Variants in SMCO3 observed in about 807,000 individuals in gnomAD.
The protein encoded by SMCO3 is single-pass membrane protein with coiled-coil domains 3, also known as single-pass membrane and coiled-coil domain-containing protein 3.
In SMCO3, 6 loss-of-function variants were observed where a neutral mutation model predicts 12.0. The observed-to-expected ratio is 0.50, with a 90% confidence interval of 0.27 to 0.99. SMCO3 has a LOEUF of 0.99. SMCO3 is among the 50% of genes least tolerant of loss of function. The pLI, the probability that SMCO3 is intolerant of heterozygous loss-of-function variation, is 0.11. For missense variants in SMCO3, 279 were observed against 265.0 expected (o/e 1.05, Z -0.37); for synonymous variants, 96 against 96.4 (o/e 1.00, Z 0.02).
intron 1 of SMCO3, among the ~76,000 whole-genome samples, chr12:14,812,183 G>A (rs996616371): frequency 6.6e-6 from 1 of 152,194 alleles, no homozygotes; most frequent in African/African-American, 2.4e-5. Context: ...GGTGGCTCAC[G>A]CCTGTAATCC....
chr12:14,808,431 A>G (rs1950086848), intron 1 of SMCO3, among the ~76,000 whole-genome samples: 1 of 152,100 alleles, frequency 6.6e-6, no homozygotes, highest in Non-Finnish European at 1.5e-5. Context: ...CTTTATCCAT[A>G]TCCATGTGGA....
intron 1 of SMCO3, 72 bp from the exon 2 acceptor site, chr12:14,806,768 G>A: frequency 7.4e-7 from 1 of 1,352,790 alleles, no homozygotes; most frequent in Non-Finnish European, 1.0e-6. Context: ...AAGGGACTAG[G>A]AAATCTTTTT....
In SMCO3 at chr12:14,806,460, A is replaced by G; in HGVS notation, c.221T>C (p.Met74Thr). 1.9e-6 allele frequency: 3 copies of G among 1,614,160 alleles called. No homozygotes were observed. Among genetic ancestry groups the G allele is most frequent in the South Asian group, 1.1e-5 (1 of 91,088 alleles). Reference protein sequence around the residue: ...ENCDLIIQAIMKIQKELQKVD... With the variant: ...ENCDLIIQAITKIQKELQKVD... ...CTTCTGCAATTCCTTTTGGATTTTC[A>G]TAATGGCTTGGATGATGAGGTCACA... Residue 74 changes from methionine (M) to threonine (T), a missense_variant, in exon 2 of 2, where the codon ATG becomes ACG. Transcript: ENST00000316048.
intron 1 of SMCO3, among the ~76,000 whole-genome samples, chr12:14,813,569 C>CG (rs1950173197): frequency 2.0e-5 from 3 of 152,240 alleles, no homozygotes; most frequent in Non-Finnish European, 4.4e-5. Context: ...GAAGCCTCTA[C>CG]TGTGTCCCTT....
Position 14,806,130 on chromosome 12 carries a change from T to C in SMCO3, c.551A>G (p.Glu184Gly). 1 of 1,614,172 alleles carries C rather than the reference T, an allele frequency of 6.2e-7. No individual in the cohort carries two copies. The highest frequency in any genetic ancestry group is 1.1e-5 in the South Asian group (1 of 91,086). Residue 184 changes from glutamate (E) to glycine (G), a missense_variant, in exon 2 of 2, where the codon GAA (glutamate) becomes GGA (glycine). Transcript: ENST00000316048. Reference sequence around the variant, plus strand: ...GATGGCTGCTTGAAGCTGTGTTTTTTCCACTGCTCCCAGGATGGCACGGAC... The same window carrying C: ...GATGGCTGCTTGAAGCTGTGTTTTTCCCACTGCTCCCAGGATGGCACGGAC... ...MIVRAILGAV[E>G]KTQLQAAIKS...
chr12:14,811,082 A>G (rs948947928), intron 1 of SMCO3, among the ~76,000 whole-genome samples: 1 of 152,364 alleles, frequency 6.6e-6, no homozygotes, highest in East Asian at 1.9e-4. Context: ...ATCCAGCTCT[A>G]ATTAACTACA....
intron 1 of SMCO3, among the ~76,000 whole-genome samples, chr12:14,813,618 C>T (rs531721930): frequency 5.3e-5 from 8 of 152,170 alleles, no homozygotes; most frequent in Non-Finnish European, 7.3e-5. Context: ...GCCCTCAAGA[C>T]GATAACAGCC....
At chr12:14,810,959 A>G (rs941881338) in intron 1 of SMCO3, among the ~76,000 whole-genome samples, 1 of 152,236 alleles carries the variant, frequency 6.6e-6, no homozygotes, top group African/African-American at 2.4e-5. Context: ...AACAACCCAT[A>G]ATATTGTGCC....
rs766494478 is a variant in SMCO3, at chr12:14,806,619, A to G, written c.62T>C (p.Leu21Pro). 132 of 1,613,648 alleles carry G rather than the reference A, an allele frequency of 8.2e-5. 1 individual carries two copies. The highest frequency in any genetic ancestry group is 1.1e-4 in the Non-Finnish European group (131 of 1,179,926). The change falls in exon 2 of 2, where the codon CTT (leucine) becomes CCT (proline). Residue 21 changes from leucine (L) to proline (P), a missense_variant. Physicochemically the swap from Leu to Pro is moderately conservative, Grantham distance 98. Transcript: ENST00000316048. ...NPKRREEVNR[L>P]HQQLLDCLSD... ...TAAGCAATCAAGAAGCTGCTGGTGA[A>G]GACGATTTACTTCTTCCCGCCTTTT...
chr12:14,806,858 G>A (rs988597757), intron 1 of SMCO3, among the ~76,000 whole-genome samples, 162 bp from the exon 2 acceptor site: 1 of 152,156 alleles, frequency 6.6e-6, no homozygotes, highest in Non-Finnish European at 1.5e-5. Context: ...AAAAGAGGGA[G>A]TATCGCTGTG....
chr12:14,812,240 C>T (rs1487193553), intron 1 of SMCO3, among the ~76,000 whole-genome samples: 3 of 151,988 alleles, frequency 2.0e-5, no homozygotes, highest in East Asian at 1.9e-4. Flanking sequence ...GTCAGGAGAT[C>T]GAAACCATCC....
At chr12:14,812,775 A>T (rs1950161141) in intron 1 of SMCO3, among the ~76,000 whole-genome samples, 1 of 152,004 alleles carries the variant, frequency 6.6e-6, no homozygotes, top group Non-Finnish European at 1.5e-5. Flanking sequence ...TTTATTTTAG[A>T]TTCAGGAGGT....
rs1224400419 is a variant in SMCO3, at chr12:14,805,492, A to G, written c.*511T>C. On this transcript the variant is annotated 3_prime_UTR_variant, in exon 2 of 2. Transcript: ENST00000316048. Reference sequence around the variant, plus strand: ...TACAAACCATTTTTCAGTCTCTTCTAGTTTACAGAAAACCAGATTTACTCT... The same window carrying G: ...TACAAACCATTTTTCAGTCTCTTCTGGTTTACAGAAAACCAGATTTACTCT... The G allele has an allele frequency of 6.5e-6, 1 of 152,910 alleles. No homozygotes were observed. 9.5% of individuals were successfully genotyped at this position (152,910 alleles called of 1,614,324 possible).
At position 14,806,046 on chromosome 12, in the gene SMCO3, G is replaced by C; in HGVS notation, c.635C>G (p.Ala212Gly). ...FKSASEKYNH[A>G]ITEVINTVKH... ...CACTGTATTGATGACCTCAGTAATGGCATGATTATATTTTTCTGAGGCTGA... is the reference window on the plus strand; with the variant it reads ...CACTGTATTGATGACCTCAGTAATGCCATGATTATATTTTTCTGAGGCTGA... The change falls in exon 2 of 2, where the codon GCC becomes GGC. Residue 212 changes from alanine to glycine, a missense_variant. Ala to Gly is a moderately conservative substitution (Grantham distance 60). Transcript: ENST00000316048. 6.2e-7 allele frequency: 1 copy of C among 1,614,046 alleles called. No homozygotes were observed. The highest frequency in any genetic ancestry group is 1.3e-5 in the African/African-American group (1 of 75,002).
intron 1 of SMCO3, among the ~76,000 whole-genome samples, chr12:14,809,316 G>T (rs1248597288): frequency 2.6e-5 from 4 of 152,012 alleles, no homozygotes; most frequent in African/African-American, 9.7e-5. Flanking sequence ...ACAACTTCAC[G>T]AATTAATCGT....
Sources: gnomAD v4.1 joint callset for allele counts (sites outside exome capture counted in the v4.1 genomes callset) on GRCh38, gnomAD v4.1.1 for gene constraint, MANE v1.5 for transcripts, NCBI Gene and HGNC (gene_info 2026-07-23, HGNC 2026-07-21) for gene names.